The following GXYLT2 variants were observed in gnomAD, a reference collection of about 807,000 sequenced individuals.
The protein encoded by GXYLT2 is glucoside xylosyltransferase 2.
In GXYLT2, 53 loss-of-function variants were observed where a neutral mutation model predicts 45.8. That is an observed-to-expected ratio of 1.16 (90% CI 0.93 to 1.46). GXYLT2 has a LOEUF of 1.46. Among genes scored for constraint, GXYLT2 ranks in the 40% most tolerant of loss-of-function variants. GXYLT2 has a pLI of 0.00. For synonymous variants in GXYLT2, 219 were observed against 214.2 expected (o/e 1.02, Z -0.19); for missense variants, 551 against 544.4 (o/e 1.01, Z -0.12).
chr3:72,923,448 TC>T (rs1208236348), intron 3 of GXYLT2, among the ~76,000 whole-genome samples: 11 of 151,368 alleles, frequency 7.3e-5, no homozygotes, highest in African/African-American at 2.7e-4. Flanking sequence ...ATTTTAAAAA[TC>T]AAATAATAAT....
intron 3 of GXYLT2, among the ~76,000 whole-genome samples, chr3:72,936,453 A>G (rs1004955196): frequency 6.6e-6 from 1 of 152,138 alleles, no homozygotes; most frequent in Non-Finnish European, 1.5e-5. Flanking sequence ...TAGCCTGGCC[A>G]ACATGGTGAA....
At chr3:72,897,087 T>G (rs576214292) in intron 1 of GXYLT2, among the ~76,000 whole-genome samples, 1 of 152,308 alleles carries the variant, frequency 6.6e-6, no homozygotes, top group East Asian at 1.9e-4. Flanking sequence ...ATTAAGCACT[T>G]CACTGCATTA....
At position 72,888,511 on chromosome 3, in the gene GXYLT2, G is replaced by A; in HGVS notation, c.275+3G>A. 1.6e-6 allele frequency: 2 copies of A among 1,234,644 alleles called. No individual in the cohort carries two copies. The highest frequency in any genetic ancestry group is 2.0e-6 in the Non-Finnish European group (2 of 987,056). The allele number at this position is 1,234,644 out of a possible 1,614,324, so 76.5% of individuals were successfully genotyped here. On this transcript the variant is annotated splice_donor_region_variant and intron_variant, in intron 1 of 6. Transcript: ENST00000389617. Reference sequence around the variant, plus strand: ...GCGAGACTGGAGAAGTTGGCGAGGTGAGTCGTGGCAACCCCAGAATCCCAT... The same window carrying A: ...GCGAGACTGGAGAAGTTGGCGAGGTAAGTCGTGGCAACCCCAGAATCCCAT...
In GXYLT2 at chr3:72,924,522, C is replaced by T. The variant is rs938843305; in HGVS notation, c.600+2187C>T. Among the ~76,000 whole-genome samples, 22 of 152,056 alleles carry T rather than the reference C, an allele frequency of 1.4e-4. 1 individual carries two copies. Among genetic ancestry groups the T allele is most frequent in the African/African-American group, 4.8e-4 (20 of 41,400 alleles). The stretch of plus-strand genomic sequence containing the variant: ...CTCAGCCCAGTCTTTTTCTTAAGGG[C>T]AGTGGGAAGCCACTGGATGATTTTT... On this transcript the variant is annotated intron_variant, in intron 3 of 6. Coordinates refer to ENST00000389617, the MANE Select transcript of GXYLT2 (RefSeq NM_001080393.2).
At chr3:72,938,490 T>G (rs537933365) in intron 3 of GXYLT2, among the ~76,000 whole-genome samples, 1 of 152,244 alleles carries the variant, frequency 6.6e-6, no homozygotes, top group African/African-American at 2.4e-5. Context: ...TGTGATCCAA[T>G]GATCCTGTTT....
chr3:72,889,896 G>GTTTTTTTTTTTTTTTTTTT (rs369830925), intron 1 of GXYLT2, among the ~76,000 whole-genome samples: 3 of 135,536 alleles, frequency 2.2e-5, no homozygotes, highest in African/African-American at 8.6e-5. Context: ...TTTTCTTTTG[G>GTTTTTTTTTTTTTTTTTTT]TTTTTTTTTT....
At chr3:72,954,167 T>C (rs1022187226) in intron 3 of GXYLT2, among the ~76,000 whole-genome samples, 5 of 152,214 alleles carry the variant, frequency 3.3e-5, no homozygotes, top group African/African-American at 9.6e-5. Flanking sequence ...GTAGTGGTGC[T>C]ATCTTGGTTC....
intron 1 of GXYLT2, among the ~76,000 whole-genome samples, chr3:72,897,693 A>G (rs749102036): frequency 2.6e-5 from 4 of 152,220 alleles, no homozygotes; most frequent in Non-Finnish European, 4.4e-5. Flanking sequence ...TGGTATGCCC[A>G]TTTTACAGAT....
At chr3:72,941,158 A>G (rs1378584914) in intron 3 of GXYLT2, among the ~76,000 whole-genome samples, 1 of 152,186 alleles carries the variant, frequency 6.6e-6, no homozygotes, top group Non-Finnish European at 1.5e-5. Flanking sequence ...GCATGTATTT[A>G]CAATTAAGAC....
rs1038668659 is a variant in GXYLT2 at position 72,955,406 on chromosome 3, G to T, written c.852+57G>T. On this transcript the variant is annotated intron_variant, in intron 4 of 6. Transcript: ENST00000389617. ...AGACTGGGAGTTGGTCTTGTCAACA[G>T]TGGCACTACCAGAGTGTCAATATGC... The T allele has an allele frequency of 3.8e-6, 6 of 1,570,134 alleles. No homozygotes were observed. In the East Asian group the frequency reaches 9.0e-5, roughly 24 times the overall value.
At chr3:72,901,550 T>C (rs1428306794) in intron 1 of GXYLT2, among the ~76,000 whole-genome samples, 9 of 148,896 alleles carry the variant, frequency 6.0e-5, no homozygotes, top group Non-Finnish European at 1.3e-4. Context: ...TCAGAACATT[T>C]TCGCTTTTTT....
intron 1 of GXYLT2, among the ~76,000 whole-genome samples, chr3:72,907,301 C>G (rs1439067752): frequency 6.6e-6 from 1 of 152,216 alleles, no homozygotes; most frequent in Non-Finnish European, 1.5e-5. Context: ...CCCACATCTT[C>G]AACTTTCCTC....
At chr3:72,904,757 C>A (rs753157111) in intron 1 of GXYLT2, among the ~76,000 whole-genome samples, 2 of 151,486 alleles carry the variant, frequency 1.3e-5, no homozygotes, top group Non-Finnish European at 2.9e-5. Flanking sequence ...TAACCACTAT[C>A]CGGCCAGGCA....
At chr3:72,917,195 TCTCAGA>T (rs1709758778) in intron 2 of GXYLT2, among the ~76,000 whole-genome samples, 1 of 152,116 alleles carries the variant, frequency 6.6e-6, no homozygotes, top group African/African-American at 2.4e-5. Context: ...AGCCCCAACC[TCTCAGA>T]CTGTTAGAGG....
intron 3 of GXYLT2, chr3:72,929,702 C>T (rs1408580904): frequency 3.3e-6 from 2 of 607,564 alleles, no homozygotes; most frequent in African/African-American, 3.7e-5. Context: ...TGCACCACAA[C>T]ATCCAGAAAA....
chr3:72,949,502 C>CTT (rs56323434), intron 3 of GXYLT2, among the ~76,000 whole-genome samples: 31 of 72,614 alleles, frequency 4.3e-4, no homozygotes, highest in African/African-American at 9.3e-4. Flanking sequence ...CTTTCTTTTT[C>CTT]TTTTTTTTTT....
intron 3 of GXYLT2, among the ~76,000 whole-genome samples, chr3:72,928,270 C>T (rs1298812082): frequency 6.6e-6 from 1 of 152,140 alleles, no homozygotes; most frequent in Non-Finnish European, 1.5e-5. Context: ...TCCTAAGGAC[C>T]TAGGCAAATG....
chr3:72,971,713 C>T (rs1394851586), intron 6 of GXYLT2, among the ~76,000 whole-genome samples: 2 of 152,142 alleles, frequency 1.3e-5, no homozygotes. Context: ...CTTTGGGAGG[C>T]TGAGGCAGGT....
chr3:72,970,730 C>T (rs909649745), intron 6 of GXYLT2, among the ~76,000 whole-genome samples: 8 of 151,966 alleles, frequency 5.3e-5, no homozygotes, highest in Admixed American at 4.6e-4. Flanking sequence ...GGCGTTGTGG[C>T]GCATGCCTGT....
Sources: allele counts gnomAD v4.1 joint callset (sites outside exome capture counted in the v4.1 genomes callset), GRCh38; gene constraint gnomAD v4.1.1; transcripts MANE v1.5; gene names NCBI Gene and HGNC (gene_info 2026-07-23, HGNC 2026-07-21).